SEMA6D: variants seen among roughly 807,000 people sequenced by gnomAD.
SEMA6D encodes the protein semaphorin 6D.
A neutral mutation model predicts 106.6 loss-of-function variants in SEMA6D; 35 were observed. The ratio of observed to expected loss-of-function variants is 0.33; its 90% CI spans 0.25 to 0.44. The LOEUF (loss-of-function observed/expected upper bound fraction) is 0.44. Ranked by LOEUF, SEMA6D falls within the 20% of genes least tolerant of loss-of-function variation. The probability of loss-of-function intolerance (pLI) is 1.00; values close to 1 mark genes in which losing one functional copy is unlikely to be tolerated. For missense variants in SEMA6D, 1,185 were observed against 1,345.9 expected (o/e 0.88, Z 1.87); for synonymous variants, 499 against 487.7 (o/e 1.02, Z -0.31).
rs544042767 is a variant in SEMA6D, at chr15:47,652,577, G to A, written c.-55+51681G>A. 5.3e-5 allele frequency among the ~76,000 whole-genome samples: 8 copies of A among 152,208 alleles called. No homozygotes were observed. The South Asian group carries it at 1.7e-3, about 32-fold the overall frequency. On this transcript the variant is annotated intron_variant, in intron 4 of 19. Transcript: ENST00000558014. ...TAGCTAGATAATGTTGAGTGTTTTT[G>A]CATCATATATAAACAGAAAAGCCTT...
chr15:47,217,049 C>T (rs1253098256), intron 1 of SEMA6D, among the ~76,000 whole-genome samples: 1 of 152,038 alleles, frequency 6.6e-6, no homozygotes, highest in Non-Finnish European at 1.5e-5. Context: ...AAGGCACCCT[C>T]TACAGTCTAA....
At chr15:47,249,383 C>T (rs1245726320) in intron 1 of SEMA6D, among the ~76,000 whole-genome samples, 1 of 152,080 alleles carries the variant, frequency 6.6e-6, no homozygotes, top group Non-Finnish European at 1.5e-5. Context: ...CTCTGCAGGG[C>T]TCCGTGTTAG....
At chr15:47,303,700 AT>A in intron 1 of SEMA6D, among the ~76,000 whole-genome samples, 1 of 152,332 alleles carries the variant, frequency 6.6e-6, no homozygotes, top group East Asian at 1.9e-4. Flanking sequence ...TGAATAAAGA[AT>A]TGTTAGACTT....
intron 16 of SEMA6D, among the ~76,000 whole-genome samples, 175 bp downstream of exon 16, chr15:47,766,852 A>C (rs1247755084): frequency 6.6e-6 from 1 of 152,108 alleles, no homozygotes; most frequent in Non-Finnish European, 1.5e-5. Context: ...AAAGAGGCTT[A>C]CTTTTTTTTT....
chr15:47,673,983 C>G (rs1432892413), intron 4 of SEMA6D, among the ~76,000 whole-genome samples: 2 of 152,144 alleles, frequency 1.3e-5, no homozygotes, highest in Non-Finnish European at 2.9e-5. Context: ...CTATCTGATT[C>G]AATCTTTGCA....
At chr15:47,546,392 A>C (rs968683596) in intron 3 of SEMA6D, among the ~76,000 whole-genome samples, 1 of 152,142 alleles carries the variant, frequency 6.6e-6, no homozygotes, top group Non-Finnish European at 1.5e-5. Flanking sequence ...CTGATTCATA[A>C]ATTGAGTTTC....
chr15:47,555,310 T>A (rs533776129), intron 3 of SEMA6D, among the ~76,000 whole-genome samples: 5 of 152,254 alleles, frequency 3.3e-5, no homozygotes, highest in African/African-American at 1.2e-4. Flanking sequence ...CTTTTTCTCA[T>A]AACGGTTATC....
At chr15:47,472,824 T>A (rs1243847649) in intron 3 of SEMA6D, among the ~76,000 whole-genome samples, 3 of 152,222 alleles carry the variant, frequency 2.0e-5, no homozygotes, top group Non-Finnish European at 4.4e-5. Flanking sequence ...GATTCTGAAG[T>A]CTAAGGTAGG....
At chr15:47,314,849 C>CTTTTTTTT (rs1173992222) in intron 1 of SEMA6D, among the ~76,000 whole-genome samples, 4 of 83,916 alleles carry the variant, frequency 4.8e-5, no homozygotes, top group African/African-American at 2.1e-4. Flanking sequence ...TCTAGGTTTT[C>CTTTTTTTT]TTTTTTTTTT....
intron 1 of SEMA6D, among the ~76,000 whole-genome samples, chr15:47,257,060 CT>C (rs531171004): frequency 0.27 from 36,961 of 137,564 alleles, 4,739 homozygotes; most frequent in Middle Eastern, 0.43. Context: ...GAACAGAATT[CT>C]TTTTTTTTTT....
chr15:47,295,297 A>G (rs2035762273), intron 1 of SEMA6D, among the ~76,000 whole-genome samples: 2 of 152,250 alleles, frequency 1.3e-5, no homozygotes, highest in African/African-American at 4.8e-5. Flanking sequence ...TTTGAAAATT[A>G]CAGATTAGAT....
At chr15:47,734,399 C>G (rs1397610564) in intron 1 of SEMA6D, among the ~76,000 whole-genome samples, 2 of 152,176 alleles carry the variant, frequency 1.3e-5, no homozygotes, top group Non-Finnish European at 2.9e-5. Flanking sequence ...TGGTCCCATG[C>G]TTGGAATGTT....
At chr15:47,459,644 A>G (rs917926582) in intron 2 of SEMA6D, among the ~76,000 whole-genome samples, 3 of 152,108 alleles carry the variant, frequency 2.0e-5, no homozygotes, top group Non-Finnish European at 2.9e-5. Context: ...TACAATATCC[A>G]TAAGTGGAAA....
chr15:47,299,460 GTA>G (rs1405980310), intron 1 of SEMA6D, among the ~76,000 whole-genome samples: 2 of 152,286 alleles, frequency 1.3e-5, no homozygotes, highest in African/African-American at 4.8e-5. Context: ...TTCCTTTTGG[GTA>G]TTTACCTTTG....
At chr15:47,539,415 T>TG (rs370227144) in intron 3 of SEMA6D, among the ~76,000 whole-genome samples, 78 of 152,050 alleles carry the variant, frequency 5.1e-4, no homozygotes, top group African/African-American at 1.4e-3. Flanking sequence ...CAGTTTTTTT[T>TG]TTTGTTTGTT....
chr15:47,633,739 C>A (rs1279215959), intron 4 of SEMA6D, among the ~76,000 whole-genome samples: 3 of 152,218 alleles, frequency 2.0e-5, no homozygotes, highest in East Asian at 3.9e-4. Flanking sequence ...ATTTCTTTTT[C>A]TTCTGACATC....
chr15:47,561,018 A>G (rs1285642944), intron 3 of SEMA6D, among the ~76,000 whole-genome samples: 1 of 151,868 alleles, frequency 6.6e-6, no homozygotes, highest in East Asian at 1.9e-4. Context: ...CCCAGTTCCT[A>G]GTATGTTATT....
At chr15:47,378,426 G>A (rs371727637) in intron 1 of SEMA6D, among the ~76,000 whole-genome samples, 1 of 152,142 alleles carries the variant, frequency 6.6e-6, no homozygotes, top group African/African-American at 2.4e-5. Context: ...AACCTGGAAG[G>A]CAGAGGTTGC....
chr15:47,209,336 T>A (rs1482086810), intron 1 of SEMA6D, among the ~76,000 whole-genome samples: 2 of 152,162 alleles, frequency 1.3e-5, no homozygotes, highest in East Asian at 3.9e-4. Flanking sequence ...TTCCAAAATA[T>A]TTTGGTCATG....
Sources: allele counts gnomAD v4.1 joint callset (sites outside exome capture counted in the v4.1 genomes callset), GRCh38; gene constraint gnomAD v4.1.1; transcripts MANE v1.5; gene names NCBI Gene and HGNC (gene_info 2026-07-23, HGNC 2026-07-21).